The following EYS variants were observed in gnomAD, a reference collection of about 807,000 sequenced individuals.
EYS encodes EGF-like photoreceptor maintenance factor.
EYS carries 250 observed loss-of-function variants against 282.1 expected under a neutral mutation model. The observed-to-expected ratio is 0.89, with a 90% CI of 0.80 to 0.98. EYS has a LOEUF of 0.98. Among genes scored for constraint, EYS ranks in the 50% least tolerant of loss-of-function variants. The probability of loss-of-function intolerance (pLI) is 0.00; values close to 1 mark genes in which losing one functional copy is unlikely to be tolerated. For synonymous variants in EYS, 1,355 were observed against 1,282.9 expected (o/e 1.06, Z -1.20); for missense variants, 4,016 against 3,709.0 (o/e 1.08, Z -2.15).
intron 12 of EYS, among the ~76,000 whole-genome samples, chr6:65,130,128 T>C (rs1280477510): frequency 6.6e-6 from 1 of 151,140 alleles, no homozygotes; most frequent in Non-Finnish European, 1.5e-5. Flanking sequence ...GAGATAAAAA[T>C]AGGAAAAAAT....
intron 26 of EYS, among the ~76,000 whole-genome samples, chr6:64,502,607 T>C (rs2150512999): frequency 6.6e-6 from 1 of 152,310 alleles, no homozygotes; most frequent in Non-Finnish European, 1.5e-5. Context: ...TTTCTATTTA[T>C]GTATCTATCT....
intron 13 of EYS, among the ~76,000 whole-genome samples, chr6:65,014,182 T>C (rs1321786408): frequency 6.6e-6 from 1 of 152,094 alleles, no homozygotes; most frequent in Non-Finnish European, 1.5e-5. Flanking sequence ...AAGACCAGAG[T>C]TCTAAAATCA....
At chr6:65,674,404 T>C (rs907345299) in intron 1 of EYS, among the ~76,000 whole-genome samples, 2 of 116,186 alleles carry the variant, frequency 1.7e-5, no homozygotes, top group Non-Finnish European at 3.2e-5. Context: ...TGAGGCGAGA[T>C]CACACCACTG....
chr6:65,486,280 A>G (rs1240430796), intron 5 of EYS, among the ~76,000 whole-genome samples: 2 of 152,228 alleles, frequency 1.3e-5, no homozygotes, highest in East Asian at 3.8e-4. Flanking sequence ...AAAAAATTGT[A>G]ACATGGCATA....
chr6:65,468,957 A>C (rs187850853), intron 5 of EYS, among the ~76,000 whole-genome samples: 17 of 152,238 alleles, frequency 1.1e-4, no homozygotes, highest in Non-Finnish European at 2.5e-4. Context: ...TCTCTACTTA[A>C]ATACTTTTCT....
chr6:64,998,282 G>A (rs1771342048), intron 13 of EYS, among the ~76,000 whole-genome samples: 1 of 152,192 alleles, frequency 6.6e-6, no homozygotes, highest in South Asian at 2.1e-4. Flanking sequence ...AATGGTGTCT[G>A]AAGCATCTCA....
chr6:65,620,687 T>G (rs1383414401), intron 2 of EYS, among the ~76,000 whole-genome samples: 3 of 151,042 alleles, frequency 2.0e-5, no homozygotes, highest in African/African-American at 7.4e-5. Context: ...CTTGTGGGCA[T>G]TTAGTGCTAT....
At chr6:64,117,130 A>C (rs183591372) in intron 31 of EYS, among the ~76,000 whole-genome samples, 6 of 152,182 alleles carry the variant, frequency 3.9e-5, no homozygotes, top group Non-Finnish European at 7.4e-5. Flanking sequence ...TTCCTCAAGC[A>C]CATGCAGAAC....
intron 12 of EYS, among the ~76,000 whole-genome samples, chr6:65,190,085 A>G (rs935215764): frequency 2.0e-5 from 3 of 151,478 alleles, no homozygotes; most frequent in African/African-American, 7.3e-5. Context: ...ATAGAGAAAA[A>G]TGAGAAATAA....
At chr6:64,741,491 C>A (rs1772370877) in intron 22 of EYS, among the ~76,000 whole-genome samples, 1 of 152,154 alleles carries the variant, frequency 6.6e-6, no homozygotes, top group Non-Finnish European at 1.5e-5. Flanking sequence ...CAGCCCCTAG[C>A]AAGAGGCAAC....
At chr6:65,585,050 T>C (rs1404973878) in intron 2 of EYS, among the ~76,000 whole-genome samples, 1 of 151,822 alleles carries the variant, frequency 6.6e-6, no homozygotes, top group Non-Finnish European at 1.5e-5. Context: ...GTGTGGTCCA[T>C]TGTTATTTGC....
chr6:65,419,812 C>T (rs1468375262), intron 5 of EYS, among the ~76,000 whole-genome samples: 4 of 151,798 alleles, frequency 2.6e-5, no homozygotes, highest in Non-Finnish European at 5.9e-5. Context: ...AGGTAGGTTT[C>T]CAGATCACTA....
At chr6:64,051,148 A>T (rs1010964909) in intron 33 of EYS, among the ~76,000 whole-genome samples, 1 of 152,176 alleles carries the variant, frequency 6.6e-6, no homozygotes, top group Admixed American at 6.5e-5. Flanking sequence ...TAGAAAAAAC[A>T]CAGGGAAGAT....
At chr6:65,441,479 C>T (rs1037070642) in intron 5 of EYS, among the ~76,000 whole-genome samples, 3 of 151,858 alleles carry the variant, frequency 2.0e-5, no homozygotes, top group African/African-American at 7.3e-5. Flanking sequence ...TATGGAATGA[C>T]AAAATCTTTC....
chr6:64,889,165 G>T (rs1767196419), intron 18 of EYS, among the ~76,000 whole-genome samples: 1 of 151,706 alleles, frequency 6.6e-6, no homozygotes, highest in Non-Finnish European at 1.5e-5. Flanking sequence ...TTAATTTATA[G>T]AATTTTCTCT....
chr6:65,649,449 A>G (rs2149817776), intron 1 of EYS, among the ~76,000 whole-genome samples: 1 of 152,280 alleles, frequency 6.6e-6, no homozygotes, highest in East Asian at 1.9e-4. Context: ...TACTAAGAAT[A>G]TAATGAACCT....
intron 13 of EYS, among the ~76,000 whole-genome samples, chr6:65,013,028 AG>A (rs1457378510): frequency 2.0e-5 from 3 of 152,238 alleles, no homozygotes; most frequent in Non-Finnish European, 2.9e-5. Context: ...TCATAATCAA[AG>A]TTTTTGTGAA....
chr6:64,775,435 G>A (rs1470291928), intron 22 of EYS, among the ~76,000 whole-genome samples: 7 of 152,010 alleles, frequency 4.6e-5, no homozygotes, highest in Non-Finnish European at 8.8e-5. Flanking sequence ...CTGAACCACC[G>A]CACGGCAAGT....
At chr6:64,515,259 T>A (rs1777529959) in intron 26 of EYS, among the ~76,000 whole-genome samples, 1 of 151,736 alleles carries the variant, frequency 6.6e-6, no homozygotes, top group Non-Finnish European at 1.5e-5. Flanking sequence ...AATTGATTAG[T>A]AAAATATAAC....
Sources: allele counts gnomAD v4.1 joint callset (sites outside exome capture counted in the v4.1 genomes callset), GRCh38; gene constraint gnomAD v4.1.1; transcripts MANE v1.5; gene names NCBI Gene and HGNC (gene_info 2026-07-23, HGNC 2026-07-21).